The following AMBRA1 variants were observed in gnomAD, a reference collection of about 807,000 sequenced individuals.
The protein encoded by AMBRA1 is activating molecule in BECN1-regulated autophagy protein 1.
AMBRA1 carries 47 observed loss-of-function variants against 125.4 expected under a neutral mutation model. That is an observed-to-expected ratio of 0.37 (90% CI 0.30 to 0.48). The LOEUF (loss-of-function observed/expected upper bound fraction) is 0.48. Among genes scored for constraint, AMBRA1 ranks in the 20% least tolerant of loss-of-function variants. AMBRA1 has a pLI of 0.99. For synonymous variants in AMBRA1, 626 were observed against 655.5 expected (o/e 0.95, Z 0.69); for missense variants, 1,331 against 1,693.4 (o/e 0.79, Z 3.76).
chr11:46,503,767 G>T (rs779651808), intron 9 of AMBRA1, among the ~76,000 whole-genome samples: 9 of 152,206 alleles, frequency 5.9e-5, no homozygotes, highest in Non-Finnish European at 8.8e-5. Flanking sequence ...AAGGCTAAAA[G>T]ACTAGAATTC....
chr11:46,415,997 G>T (rs749744611), intron 15 of AMBRA1, among the ~76,000 whole-genome samples: 4 of 152,212 alleles, frequency 2.6e-5, no homozygotes, highest in Admixed American at 2.0e-4. Context: ...CAACAAACTG[G>T]GTGTAGATTA....
chr11:46,547,710 C>A, intron 3 of AMBRA1, 107 bp downstream of exon 3: 1 of 1,106,158 alleles, frequency 9.0e-7, no homozygotes, highest in East Asian at 2.6e-5. Flanking sequence ...GCTGTTCATA[C>A]AGTACTTCAG....
At chr11:46,484,773 T>C (rs893026061) in intron 11 of AMBRA1, among the ~76,000 whole-genome samples, 5 of 151,302 alleles carry the variant, frequency 3.3e-5, no homozygotes, top group Non-Finnish European at 5.9e-5. Flanking sequence ...GCCTCCCGAG[T>C]AGCTGGGACT....
At chr11:46,498,474 G>A (rs561004116) in intron 9 of AMBRA1, among the ~76,000 whole-genome samples, 62 of 151,886 alleles carry the variant, frequency 4.1e-4, no homozygotes, top group Admixed American at 1.0e-3. Context: ...AGGAGTAGGG[G>A]GAAAAATACT....
rs1037904226 is a variant in AMBRA1, at chr11:46,593,956, C to A, written c.-249G>T. 3.5e-5 allele frequency: 14 copies of A among 398,502 alleles called. No individual in the cohort carries two copies. In the East Asian group the frequency reaches 5.0e-4, roughly 14 times the overall value. The allele number at this position is 398,502 out of a possible 1,614,324, so 24.7% of individuals were successfully genotyped here. ...CCGGCAGGAGAAGGCGGCTTGAGCG[C>A]GGGGCCTCGCGGACAACTCAGCCCT... is the stretch of plus-strand genomic sequence containing the variant. On this transcript the variant is annotated 5_prime_UTR_variant, in exon 1 of 18. Transcript: ENST00000683756.
In AMBRA1 at chr11:46,397,069, T is replaced by C. The variant is rs1308469189; in HGVS notation, c.*381A>G. 5.8e-6 allele frequency: 1 copy of C among 171,070 alleles called. No individual in the cohort carries two copies. The highest frequency in any genetic ancestry group is 2.4e-5 in the African/African-American group (1 of 42,218). The allele number at this position is 171,070 out of a possible 1,614,324, so 10.6% of individuals were successfully genotyped here. ...AGGGCAAAGCTGCCTCGCGGGCCTC[T>C]GTCCAGGATGATTGGCCCAGATCTG... On this transcript the variant is annotated 3_prime_UTR_variant, in exon 18 of 18. Transcript: ENST00000683756.
At chr11:46,461,556 GCTAAAGTTAAATA>G (rs917374569) in intron 11 of AMBRA1, among the ~76,000 whole-genome samples, 5 of 152,192 alleles carry the variant, frequency 3.3e-5, no homozygotes, top group African/African-American at 1.2e-4. Context: ...GTCATAATTG[GCTAAAGTTAAATA>G]CTTGGGGATG....
intron 7 of AMBRA1, among the ~76,000 whole-genome samples, chr11:46,531,634 C>T (rs1351554270): frequency 2.6e-5 from 4 of 151,152 alleles, no homozygotes; most frequent in Non-Finnish European, 5.9e-5. Flanking sequence ...CACTTGAATT[C>T]GGGAGTTGGA....
rs1363318117 is a variant in AMBRA1, at chr11:46,543,182, T to C, written c.835A>G (p.Thr279Ala). ...SPPPPPPQPS[T>A]ERPRTSAYIR... ...TAAGCGGAAGTCCTGGGGCGCTCCGTGGAGGGCTGAGGGGGAGGCGGTGGG... is the reference window on the plus strand; with the variant it reads ...TAAGCGGAAGTCCTGGGGCGCTCCGCGGAGGGCTGAGGGGGAGGCGGTGGG... The change falls in exon 7 of 18, where the codon ACG (threonine) becomes GCG (alanine). Residue 279 changes from threonine to alanine, a missense_variant. Coordinates refer to ENST00000683756, the MANE Select transcript of AMBRA1 (RefSeq NM_001387011.1). 2 of 1,548,066 alleles carry C rather than the reference T, an allele frequency of 1.3e-6. No individual in the cohort carries two copies. The highest frequency in any genetic ancestry group is 1.9e-5 in the Admixed American group (1 of 51,468).
chr11:46,412,325 C>T (rs1190561306), intron 15 of AMBRA1, among the ~76,000 whole-genome samples: 1 of 152,150 alleles, frequency 6.6e-6, no homozygotes, highest in Non-Finnish European at 1.5e-5. Flanking sequence ...ACTCTGTTGC[C>T]CAGTCTGAAG....
intron 15 of AMBRA1, among the ~76,000 whole-genome samples, chr11:46,413,533 C>G (rs142430348): frequency 1.3e-5 from 2 of 152,224 alleles, no homozygotes; most frequent in African/African-American, 4.8e-5. Context: ...TCTTGTTGCC[C>G]AGGCTGGAGT....
At chr11:46,469,493 C>A (rs1015488292) in intron 11 of AMBRA1, among the ~76,000 whole-genome samples, 2 of 151,886 alleles carry the variant, frequency 1.3e-5, no homozygotes, top group Admixed American at 1.3e-4. Flanking sequence ...TTGAAGGAGA[C>A]AGAAAATATG....
intron 1 of AMBRA1, among the ~76,000 whole-genome samples, chr11:46,552,959 T>G (rs571295353): frequency 2.6e-5 from 4 of 152,032 alleles, no homozygotes; most frequent in African/African-American, 9.7e-5. Context: ...CTTTTTTTCT[T>G]TTTTGAGACA....
At chr11:46,541,114 G>A (rs1406504651) in intron 7 of AMBRA1, among the ~76,000 whole-genome samples, 1 of 152,226 alleles carries the variant, frequency 6.6e-6, no homozygotes, top group Non-Finnish European at 1.5e-5. Flanking sequence ...GATTATGCTA[G>A]CTTTGACCTT....
intron 7 of AMBRA1, among the ~76,000 whole-genome samples, chr11:46,528,488 G>A (rs966177123): frequency 6.6e-6 from 1 of 152,160 alleles, no homozygotes; most frequent in Non-Finnish European, 1.5e-5. Context: ...CATATTAATA[G>A]ATGATCCTTA....
chr11:46,408,383 A>C, intron 17 of AMBRA1, 130 bp downstream of exon 17: 1 of 972,936 alleles, frequency 1.0e-6, no homozygotes, highest in Non-Finnish European at 1.4e-6. Flanking sequence ...GTCGCTGCTG[A>C]GGAGGCTCTT....
intron 11 of AMBRA1, among the ~76,000 whole-genome samples, chr11:46,448,703 C>T (rs1265396054): frequency 6.6e-6 from 1 of 151,804 alleles, no homozygotes; most frequent in Non-Finnish European, 1.5e-5. Context: ...TCTAGGTAGG[C>T]CAACTACGAA....
chr11:46,474,270 C>T (rs866355128), intron 11 of AMBRA1, among the ~76,000 whole-genome samples: 5 of 151,974 alleles, frequency 3.3e-5, no homozygotes, highest in African/African-American at 9.6e-5. Context: ...ATTAGAACCA[C>T]CGGAGGAAAA....
chr11:46,549,394 A>G (rs901626692), intron 1 of AMBRA1, among the ~76,000 whole-genome samples: 1 of 152,226 alleles, frequency 6.6e-6, no homozygotes, highest in African/African-American at 2.4e-5. Context: ...ACTATTCTCC[A>G]CCTAGACTCA....
Sources: allele counts gnomAD v4.1 joint callset (sites outside exome capture counted in the v4.1 genomes callset), GRCh38; gene constraint gnomAD v4.1.1; transcripts MANE v1.5; gene names NCBI Gene and HGNC (gene_info 2026-07-23, HGNC 2026-07-21).